Variants in UNC13C observed in about 807,000 individuals in gnomAD.
The protein encoded by UNC13C is protein unc-13 homolog C.
A neutral mutation model predicts 245.4 loss-of-function variants in UNC13C; 174 were observed. The observed-to-expected ratio is 0.71, with a 90% CI of 0.63 to 0.80. UNC13C has a LOEUF of 0.80. Among genes scored for constraint, UNC13C ranks in the 30% least tolerant of loss-of-function variants. The probability of loss-of-function intolerance (pLI) is 0.00; values close to 1 mark genes in which losing one functional copy is unlikely to be tolerated. For missense variants in UNC13C, 2,829 were observed against 2,602.9 expected (o/e 1.09, Z -1.89); for synonymous variants, 992 against 895.1 (o/e 1.11, Z -1.93).
downstream of UNC13C, chr15:54,628,722 A>T (rs542135322): frequency 6.6e-6 from 1 of 152,348 alleles, no homozygotes; most frequent in Non-Finnish European, 1.5e-5. Flanking sequence ...TTTGGTTCTA[A>T]CATCTCATTA....
chr15:54,372,027 C>T (rs1023400529), intron 17 of UNC13C, among the ~76,000 whole-genome samples: 9 of 151,934 alleles, frequency 5.9e-5, no homozygotes, highest in African/African-American at 2.2e-4. Flanking sequence ...ATCTATTGTA[C>T]AACATGTGAC....
intron 2 of UNC13C, among the ~76,000 whole-genome samples, chr15:54,130,923 A>G (rs146015925): frequency 1.3e-5 from 2 of 152,308 alleles, no homozygotes; most frequent in East Asian, 1.9e-4. Flanking sequence ...TGCGTGACCA[A>G]TGGTGTTATT....
Position 54,415,006 on chromosome 15 carries a change from A to C in UNC13C, c.4872A>C (p.Gly1624=). The C allele has an allele frequency of 1.2e-6, 2 of 1,612,410 alleles. No individual in the cohort carries two copies. Among genetic ancestry groups the C allele is most frequent in the Non-Finnish European group, 1.7e-6 (2 of 1,179,066 alleles). The change falls in exon 19 of 33, where the codon GGA becomes GGC. Residue 1624 remains glycine (G), a synonymous_variant. Coordinates refer to ENST00000260323, the MANE Select transcript of UNC13C (RefSeq NM_001080534.3). ...LNQFPQELNM[G]KISAEIMWTL... The stretch of plus-strand genomic sequence containing the variant: ...GGTTTCCTCAAGAGCTGAACATGGG[A>C]AAAATAAGTGCCGAAATTATGTGGA...
At chr15:54,616,377 A>C (rs914081929) in intron 30 of UNC13C, among the ~76,000 whole-genome samples, 6 of 148,726 alleles carry the variant, frequency 4.0e-5, no homozygotes, top group African/African-American at 1.5e-4. Flanking sequence ...AGATTATAAT[A>C]ACATAACACC....
chr15:54,377,761 G>T (rs1427299366), intron 17 of UNC13C, among the ~76,000 whole-genome samples: 1 of 152,134 alleles, frequency 6.6e-6, no homozygotes, highest in Non-Finnish European at 1.5e-5. Flanking sequence ...TTTTGTAAGG[G>T]CATTAATCCT....
At chr15:54,582,960 C>G (rs1898272969) in intron 30 of UNC13C, among the ~76,000 whole-genome samples, 1 of 152,080 alleles carries the variant, frequency 6.6e-6, no homozygotes, top group African/African-American at 2.4e-5. Context: ...ACTGACAGTT[C>G]TCTAATGCAG....
intron 2 of UNC13C, among the ~76,000 whole-genome samples, chr15:54,068,976 A>T (rs145359364): frequency 6.6e-6 from 1 of 152,324 alleles, no homozygotes; most frequent in African/African-American, 2.4e-5. Context: ...TAAAAAGTTC[A>T]TTAGACTTAC....
intron 2 of UNC13C, among the ~76,000 whole-genome samples, chr15:54,078,028 A>G (rs1159468506): frequency 6.6e-6 from 1 of 152,220 alleles, no homozygotes; most frequent in South Asian, 2.1e-4. Flanking sequence ...GTTTATGTCC[A>G]TGTGTACTCA....
intron 4 of UNC13C, among the ~76,000 whole-genome samples, chr15:54,212,365 G>T (rs1297619967): frequency 6.6e-6 from 1 of 152,008 alleles, no homozygotes; most frequent in Non-Finnish European, 1.5e-5. Flanking sequence ...GATTTTAAGT[G>T]ACTCTACTTA....
chr15:54,180,218 A>G (rs2033752694), intron 4 of UNC13C, among the ~76,000 whole-genome samples: 1 of 151,962 alleles, frequency 6.6e-6, no homozygotes, highest in African/African-American at 2.4e-5. Context: ...ATGAGTACCC[A>G]ATGTTCAGTT....
chr15:54,606,629 C>G (rs1286470315), intron 30 of UNC13C, among the ~76,000 whole-genome samples: 1 of 152,180 alleles, frequency 6.6e-6, no homozygotes, highest in African/African-American at 2.4e-5. Context: ...TTACATTGTT[C>G]AATCCTCGTA....
At position 54,494,607 on chromosome 15, in the gene UNC13C, G is replaced by A; in HGVS notation, c.4934-1G>A. 1.2e-6 allele frequency: 2 copies of A among 1,605,330 alleles called. No individual in the cohort carries two copies. Among genetic ancestry groups the A allele is most frequent in the Non-Finnish European group, 1.7e-6 (2 of 1,176,202 alleles). On this transcript the variant is annotated splice_acceptor_variant, in intron 19 of 32. Coordinates refer to ENST00000260323, the MANE Select transcript of UNC13C (RefSeq NM_001080534.3). LOFTEE classifies it high-confidence loss of function. ...TAAATATTTAATTTTATCTGTTATA[G>A]AACATGAAAATCAGCGGTTATGCAA...
chr15:53,928,987 G>T, the UNC13C span, among the ~76,000 whole-genome samples: 40 of 152,304 alleles, frequency 2.6e-4, no homozygotes, highest in South Asian at 6.0e-3. Context: ...TTTGCTGGGT[G>T]ATATTATAGG....
chr15:53,842,913 T>C, the UNC13C span, among the ~76,000 whole-genome samples: 2 of 148,140 alleles, frequency 1.4e-5, no homozygotes, highest in Admixed American at 1.3e-4. Flanking sequence ...TATATATATA[T>C]ATATAATGTA....
chr15:54,243,047 G>A (rs1287416954), intron 7 of UNC13C, among the ~76,000 whole-genome samples: 1 of 152,112 alleles, frequency 6.6e-6, no homozygotes, highest in Admixed American at 6.5e-5. Context: ...GTAAATGTGT[G>A]CCATGGTGGT....
chr15:54,049,230 A>G, intron 2 of UNC13C: 1 of 507,858 alleles, frequency 2.0e-6, no homozygotes, highest in Non-Finnish European at 3.8e-6. Flanking sequence ...TTGCTATGGT[A>G]TCATTACTCA....
At chr15:54,076,063 C>T (rs201686992) in intron 2 of UNC13C, among the ~76,000 whole-genome samples, 328 of 124,686 alleles carry the variant, frequency 2.6e-3, no homozygotes, top group East Asian at 4.7e-3. Flanking sequence ...CACTTAGATT[C>T]TTTTTTTTTT....
At chr15:54,614,075 C>G (rs555217719) in intron 30 of UNC13C, among the ~76,000 whole-genome samples, 1 of 151,970 alleles carries the variant, frequency 6.6e-6, no homozygotes, top group Non-Finnish European at 1.5e-5. Flanking sequence ...ATACTGCTTT[C>G]CTTTTTAACT....
chr15:54,572,600 T>G (rs978208403), intron 30 of UNC13C, among the ~76,000 whole-genome samples: 1 of 151,474 alleles, frequency 6.6e-6, no homozygotes, highest in Non-Finnish European at 1.5e-5. Context: ...ATTTTTGTAT[T>G]TTTTTTAGTA....
Sources: allele counts gnomAD v4.1 joint callset (sites outside exome capture counted in the v4.1 genomes callset), GRCh38; gene constraint gnomAD v4.1.1; transcripts MANE v1.5; gene names NCBI Gene and HGNC (gene_info 2026-07-23, HGNC 2026-07-21).